OPCML: variants seen among roughly 807,000 people sequenced by gnomAD.
OPCML encodes opioid binding protein/cell adhesion molecule like.
In OPCML, 13 loss-of-function variants were observed where a neutral mutation model predicts 37.8. The ratio of observed to expected loss-of-function variants is 0.34; its 90% CI spans 0.22 to 0.55. The LOEUF is 0.55. Ranked by LOEUF, OPCML falls within the 20% of genes least tolerant of loss-of-function variation. The pLI, the probability that OPCML is intolerant of heterozygous loss-of-function variation, is 0.91. For missense variants in OPCML, 341 were observed against 435.6 expected, an observed-to-expected ratio of 0.78 and a Z score of 1.93; for synonymous variants, 176 against 168.8, an observed-to-expected ratio of 1.04 and a Z score of -0.33.
intron 2 of OPCML, among the ~76,000 whole-genome samples, chr11:132,898,697 C>T (rs1288688414): frequency 6.6e-6 from 1 of 152,102 alleles, no homozygotes; most frequent in Non-Finnish European, 1.5e-5. Flanking sequence ...TCACCAATAC[C>T]CCTAGTGACC....
intron 2 of OPCML, among the ~76,000 whole-genome samples, chr11:132,680,100 T>C (rs1307481443): frequency 6.6e-6 from 1 of 152,204 alleles, no homozygotes; most frequent in African/African-American, 2.4e-5. Flanking sequence ...CCCATGTCAC[T>C]GTGGCAAATT....
intron 2 of OPCML, among the ~76,000 whole-genome samples, chr11:132,688,328 A>G (rs2135879209): frequency 6.6e-6 from 1 of 152,274 alleles, no homozygotes; most frequent in South Asian, 2.1e-4. Context: ...ACCGGCAGTA[A>G]ATGACAAACA....
chr11:132,942,137 G>A (rs79566156), intron 2 of OPCML, among the ~76,000 whole-genome samples: 4,357 of 152,300 alleles, frequency 0.029, 91 homozygotes, highest in Non-Finnish European at 0.043. Context: ...TGCTGAGCTG[G>A]TGGAAAGTGG....
chr11:133,415,329 G>C (rs958749106), intron 1 of OPCML, among the ~76,000 whole-genome samples: 1 of 151,778 alleles, frequency 6.6e-6, no homozygotes, highest in African/African-American at 2.4e-5. Context: ...AGAATGGCAT[G>C]AACCCAGGAG....
intron 2 of OPCML, among the ~76,000 whole-genome samples, chr11:132,812,331 A>G (rs1217178081): frequency 6.6e-6 from 1 of 152,154 alleles, no homozygotes; most frequent in Non-Finnish European, 1.5e-5. Context: ...GTGGCAATAA[A>G]AAGTAGAAAA....
intron 7 of OPCML, among the ~76,000 whole-genome samples, chr11:132,430,100 A>G (rs1219460443): frequency 6.6e-6 from 1 of 152,184 alleles, no homozygotes; most frequent in African/African-American, 2.4e-5. Context: ...AGAAAGGCAG[A>G]TACAATGCGA....
intron 3 of OPCML, among the ~76,000 whole-genome samples, chr11:132,652,369 CACACACACACACACACAGAG>C (rs1212775387): frequency 1.3e-5 from 2 of 150,728 alleles, no homozygotes; most frequent in African/African-American, 4.9e-5. Context: ...CACACACACA[CACACACACACACACACAGAG>C]AGAGAAATCC....
At chr11:132,760,997 G>A (rs1241688004) in intron 2 of OPCML, among the ~76,000 whole-genome samples, 2 of 152,072 alleles carry the variant, frequency 1.3e-5, no homozygotes, top group Non-Finnish European at 2.9e-5. Flanking sequence ...AGGCCTGGTG[G>A]TGACAAAATC....
chr11:132,946,842 C>G (rs1397729557), intron 1 of OPCML, among the ~76,000 whole-genome samples: 3 of 152,180 alleles, frequency 2.0e-5, no homozygotes, highest in African/African-American at 7.2e-5. Flanking sequence ...TTGAGTGAAC[C>G]CGGGTTTCCT....
At chr11:132,882,872 C>T (rs1805137771) in intron 2 of OPCML, among the ~76,000 whole-genome samples, 1 of 152,140 alleles carries the variant, frequency 6.6e-6, no homozygotes, top group Admixed American at 6.5e-5. Context: ...GAGTAAAAAA[C>T]TCTGAAGATC....
chr11:133,315,531 G>A (rs972977550), intron 1 of OPCML, among the ~76,000 whole-genome samples: 10 of 152,236 alleles, frequency 6.6e-5, no homozygotes, highest in Admixed American at 2.0e-4. Flanking sequence ...GGGTGTGGTG[G>A]CTCACGCCTA....
chr11:132,662,927 T>C (rs1942047182), intron 2 of OPCML, among the ~76,000 whole-genome samples: 1 of 152,236 alleles, frequency 6.6e-6, no homozygotes, highest in Non-Finnish European at 1.5e-5. Context: ...GTTCAAAGAA[T>C]TGATAATTGA....
chr11:132,626,776 A>C (rs1340669144), intron 3 of OPCML, among the ~76,000 whole-genome samples: 2 of 111,560 alleles, frequency 1.8e-5, no homozygotes, highest in African/African-American at 3.5e-5. Context: ...TTTTCTGAAA[A>C]TATCTCTGCT....
chr11:132,604,297 G>C (rs1296629144), intron 3 of OPCML, among the ~76,000 whole-genome samples: 1 of 151,476 alleles, frequency 6.6e-6, no homozygotes, highest in African/African-American at 2.4e-5. Flanking sequence ...AAAAAATACA[G>C]GGAGGAGTCC....
chr11:132,998,139 GT>G (rs1488323221), intron 1 of OPCML, among the ~76,000 whole-genome samples: 1 of 152,186 alleles, frequency 6.6e-6, no homozygotes, highest in Non-Finnish European at 1.5e-5. Flanking sequence ...GCCCTGCTGA[GT>G]CCCCCAAGAA....
intron 2 of OPCML, among the ~76,000 whole-genome samples, chr11:132,659,153 C>T (rs770210509): frequency 3.3e-5 from 5 of 152,166 alleles, no homozygotes; most frequent in Non-Finnish European, 5.9e-5. Context: ...TCCTCCACAT[C>T]GTGAGGCATC....
intron 1 of OPCML, among the ~76,000 whole-genome samples, chr11:132,952,437 G>A (rs569085146): frequency 6.6e-6 from 1 of 152,256 alleles, no homozygotes; most frequent in African/African-American, 2.4e-5. Flanking sequence ...ATTAATGCAG[G>A]AAATCCATGT....
chr11:132,764,827 A>G (rs564339066), intron 2 of OPCML, among the ~76,000 whole-genome samples: 3 of 152,232 alleles, frequency 2.0e-5, no homozygotes, highest in African/African-American at 7.2e-5. Flanking sequence ...ATGTAAGGAC[A>G]ATTAAGCTCA....
intron 1 of OPCML, among the ~76,000 whole-genome samples, chr11:133,245,482 G>A (rs956683285): frequency 1.3e-5 from 2 of 152,162 alleles, no homozygotes; most frequent in Non-Finnish European, 2.9e-5. Context: ...TGCCGTTGTT[G>A]TAGAATGAAA....
Sources: allele counts gnomAD v4.1 joint callset (sites outside exome capture counted in the v4.1 genomes callset), GRCh38; gene constraint gnomAD v4.1.1; transcripts MANE v1.5; gene names NCBI Gene and HGNC (gene_info 2026-07-23, HGNC 2026-07-21).